Variants in SVEP1 observed in about 807,000 individuals in gnomAD.
SVEP1 encodes sushi, von Willebrand factor type A, EGF and pentraxin domain-containing protein 1.
In SVEP1, 164 loss-of-function variants were observed where a neutral mutation model predicts 367.3. The observed-to-expected ratio is 0.45, with a 90% CI of 0.39 to 0.51. The LOEUF (loss-of-function observed/expected upper bound fraction) is 0.51, where lower values mean the gene tolerates loss of function less well. Ranked by LOEUF, SVEP1 falls within the 20% of genes least tolerant of loss-of-function variation. SVEP1 has a pLI of 0.00. For synonymous variants in SVEP1, 1,666 were observed against 1,611.6 expected (o/e 1.03, Z -0.81); for missense variants, 4,117 against 4,425.3 (o/e 0.93, Z 1.98).
intron 40 of SVEP1, among the ~76,000 whole-genome samples, chr9:110,391,489 C>A (rs1006474437): frequency 9.2e-5 from 14 of 152,086 alleles, no homozygotes; most frequent in Non-Finnish European, 1.6e-4. Flanking sequence ...ACAGGCTGGT[C>A]TCAAACTCCT....
chr9:110,579,076 C>A lies in SVEP1; in HGVS notation c.468G>T (p.Glu156Asp). Residue 156 changes from glutamate to aspartate, a missense_variant, in exon 1 of 48, where the codon GAG becomes GAT. Transcript: ENST00000374469. The surrounding 1 kb of genome is among the most constrained non-coding windows in gnomAD (Gnocchi z 5.3). ...RQHKCALLLQ[E>D]IPAISYRGGG... ...CACCTCGGTAGGAGATGGCAGGGAT[C>A]TCTTGGAGGAGCAGCGCGCACTTGT... The A allele has an allele frequency of 6.4e-7, 1 of 1,551,146 alleles. No individual in the cohort carries two copies. Among genetic ancestry groups the A allele is most frequent in the Non-Finnish European group, 8.7e-7 (1 of 1,147,412 alleles).
chr9:110,479,749 A>G lies in SVEP1; in HGVS notation c.2373T>C (p.Arg791=). 1 of 1,600,940 alleles carries G rather than the reference A, an allele frequency of 6.2e-7. No individual in the cohort carries two copies. The highest frequency in any genetic ancestry group is 8.5e-7 in the Non-Finnish European group (1 of 1,176,202). ...AGGACTTGAACCCGTGGTTTGCAAA[A>G]CGTTTTTCTAGAAAATGTTGGACAA... The part of the protein sequence containing the change: ...TTEWPDCAKK[R]FANHGFKSFE... The change falls in exon 13 of 48, where the codon CGT becomes CGC. Residue 791 remains arginine, a synonymous_variant. Coordinates refer to ENST00000374469, the MANE Select transcript of SVEP1 (RefSeq NM_153366.4).
At chr9:110,560,623 C>T (rs1435744053) in intron 1 of SVEP1, among the ~76,000 whole-genome samples, 1 of 152,142 alleles carries the variant, frequency 6.6e-6, no homozygotes, top group Non-Finnish European at 1.5e-5. Context: ...TCTGAATGCA[C>T]CATGAGGCTC....
At chr9:110,487,658 T>C (rs1296324628) in intron 9 of SVEP1, among the ~76,000 whole-genome samples, 1 of 152,176 alleles carries the variant, frequency 6.6e-6, no homozygotes, top group Non-Finnish European at 1.5e-5. Context: ...AATAAACATA[T>C]GAAAAATAGA....
At chr9:110,430,246 A>G in intron 33 of SVEP1, 28 bp downstream of exon 33, 1 of 1,593,490 alleles carries the variant, frequency 6.3e-7, no homozygotes, top group Non-Finnish European at 8.6e-7. Flanking sequence ...GCCAAACATA[A>G]GAAACGTGGT....
rs1459365742 is a variant in SVEP1 at position 110,496,827 on chromosome 9, G to C, written c.1788C>G (p.Asn596Lys). The C allele has an allele frequency of 6.4e-7, 1 of 1,554,876 alleles. No individual in the cohort carries two copies. Among genetic ancestry groups the C allele is most frequent in the Non-Finnish European group, 8.7e-7 (1 of 1,147,784 alleles). ...GCACAAACCTTACCTTTTCACCAGA[G>C]TTGTCTTTAGCTGTTGGAATCTGCC... ...VTWQIPTAKD[N>K]SGEKVSVHVH... Residue 596 changes from asparagine to lysine, a missense_variant, in exon 8 of 48, where the codon AAC becomes AAG. Physicochemically the swap from Asn to Lys is moderately conservative, Grantham distance 94. Transcript: ENST00000374469.
At chr9:110,418,769 C>T (rs1319262345) in intron 36 of SVEP1, among the ~76,000 whole-genome samples, 7 of 91,242 alleles carry the variant, frequency 7.7e-5, no homozygotes, top group Admixed American at 1.2e-4. Flanking sequence ...GCGGATCTCT[C>T]GGCAGAAACC....
At chr9:110,427,790 G>A (rs1192624588) in intron 35 of SVEP1, 32 bp from the exon 36 acceptor site, 1 of 1,589,686 alleles carries the variant, frequency 6.3e-7, no homozygotes, top group Non-Finnish European at 8.6e-7. Context: ...CTCTTTCATT[G>A]GCTATGGATT....
chr9:110,510,572 T>C (rs1337543433), intron 5 of SVEP1, among the ~76,000 whole-genome samples: 1 of 152,166 alleles, frequency 6.6e-6, no homozygotes, highest in African/African-American at 2.4e-5. Flanking sequence ...TGGGAACAGC[T>C]TCAAAGGGCC....
At chr9:110,500,220 G>A (rs920577990) in intron 6 of SVEP1, among the ~76,000 whole-genome samples, 5 of 151,976 alleles carry the variant, frequency 3.3e-5, no homozygotes, top group African/African-American at 7.3e-5. Flanking sequence ...ATTTCTGCAC[G>A]GTGTGAACTG....
intron 8 of SVEP1, among the ~76,000 whole-genome samples, chr9:110,490,221 A>G (rs1056993725): frequency 6.6e-6 from 1 of 152,176 alleles, no homozygotes; most frequent in Non-Finnish European, 1.5e-5. Flanking sequence ...ATAGATGTAC[A>G]TAGTTTCAAG....
intron 6 of SVEP1, among the ~76,000 whole-genome samples, chr9:110,499,783 T>C (rs932169202): frequency 2.0e-5 from 3 of 152,180 alleles, no homozygotes; most frequent in Non-Finnish European, 2.9e-5. Flanking sequence ...GCAGATGGAA[T>C]GGAAAATCAA....
intron 40 of SVEP1, among the ~76,000 whole-genome samples, chr9:110,396,300 T>A (rs62571905): frequency 6.7e-6 from 1 of 148,526 alleles, no homozygotes; most frequent in African/African-American, 2.5e-5. Flanking sequence ...TTGAAACCAA[T>A]GAGAACAAAG....
intron 1 of SVEP1, among the ~76,000 whole-genome samples, chr9:110,575,026 T>C (rs1362099976): frequency 6.6e-6 from 1 of 152,178 alleles, no homozygotes; most frequent in African/African-American, 2.4e-5. Context: ...ATTACAGGCC[T>C]GAGCCACCGC....
Position 110,379,446 on chromosome 9 carries a change from T to C in SVEP1, c.10309A>G (p.Met3437Val), listed in dbSNP as rs1042000994. The C allele has an allele frequency of 6.2e-7, 1 of 1,613,830 alleles. No homozygotes were observed. Among genetic ancestry groups the C allele is most frequent in the Admixed American group, 1.7e-5 (1 of 60,006 alleles). ...CCACTGTAACATGAGTAGGTGATCA[T>C]GTCTCCATATTGATAATGTACGCCT... ...ARGVHYQYGD[M>V]ITYSCYSGYM... The change falls in exon 44 of 48, where the codon ATG becomes GTG. Residue 3437 changes from methionine (M) to valine (V), a missense_variant. Met to Val is a conservative substitution (Grantham distance 21). Coordinates refer to ENST00000374469, the MANE Select transcript of SVEP1 (RefSeq NM_153366.4).
chr9:110,390,340 C>A lies in SVEP1; in HGVS notation c.9823-753G>T, dbSNP rs1471097988. ...GTATATATACTTATATATACACATA[C>A]TTATATACACTTATATATATATACT... On this transcript the variant is annotated intron_variant, in intron 40 of 47. Coordinates refer to ENST00000374469, the MANE Select transcript of SVEP1 (RefSeq NM_153366.4). 5.2e-4 allele frequency among the ~76,000 whole-genome samples: 5 copies of A among 9,662 alleles called. 1 individual carries two copies. Among genetic ancestry groups the A allele is most frequent in the Admixed American group, 3.1e-3 (3 of 968 alleles). 6.3% of individuals were successfully genotyped at this position (9,662 alleles called of 152,430 possible).
intron 40 of SVEP1, among the ~76,000 whole-genome samples, chr9:110,390,207 G>GTA (rs1827620013): frequency 9.6e-6 from 1 of 104,008 alleles, no homozygotes; most frequent in African/African-American, 4.1e-5. Flanking sequence ...AAGTATGTAT[G>GTA]TATATACTTG....
At chr9:110,431,064 T>C (rs767931153) in intron 32 of SVEP1, among the ~76,000 whole-genome samples, 13 of 152,212 alleles carry the variant, frequency 8.5e-5, no homozygotes, top group African/African-American at 9.6e-5. Flanking sequence ...ATTTGAGCTA[T>C]ATAAGTCAAG....
At chr9:110,405,827 T>G (rs1323186395) in intron 38 of SVEP1, among the ~76,000 whole-genome samples, 1 of 152,222 alleles carries the variant, frequency 6.6e-6, no homozygotes, top group Non-Finnish European at 1.5e-5. Flanking sequence ...ATAAAGAAAT[T>G]TACTATCCTG....
Sources: allele counts gnomAD v4.1 joint callset (sites outside exome capture counted in the v4.1 genomes callset), GRCh38; gene constraint gnomAD v4.1.1; non-coding constraint Gnocchi (gnomAD v3.1); transcripts MANE v1.5; gene names NCBI Gene and HGNC (gene_info 2026-07-23, HGNC 2026-07-21).